MDFIC2: variants seen among roughly 807,000 people sequenced by gnomAD.
MDFIC2 encodes MyoD family inhibitor domain containing 2, also known as myoD family inhibitor domain-containing protein 2.
chr3:70,206,497 T>C (rs1431579210), intron 3 of MDFIC2, 72 bp downstream of exon 3: 2 of 396,386 alleles, frequency 5.0e-6, no homozygotes, highest in African/African-American at 2.1e-5. Context: ...CCTAACAGCA[T>C]ATGTGATGAT....
intron 2 of MDFIC2, among the ~76,000 whole-genome samples, chr3:70,277,470 G>T (rs573169384): frequency 6.6e-6 from 1 of 152,232 alleles, no homozygotes; most frequent in Admixed American, 6.5e-5. Flanking sequence ...GACGGCTCTT[G>T]ATTCACTTGA....
chr3:70,212,683 A>G (rs1701363334), intron 2 of MDFIC2, among the ~76,000 whole-genome samples: 1 of 152,130 alleles, frequency 6.6e-6, no homozygotes, highest in African/African-American at 2.4e-5. Context: ...TATACTTTGG[A>G]CAATATTCTT....
At chr3:70,245,686 T>C (rs1244355629) in intron 2 of MDFIC2, among the ~76,000 whole-genome samples, 1 of 130,556 alleles carries the variant, frequency 7.7e-6, no homozygotes, top group East Asian at 2.3e-4. Context: ...TATATATATA[T>C]ATATATATAT....
In MDFIC2 at chr3:70,254,964, A is replaced by C. The variant is rs1268258445; in HGVS notation, c.89-48174T>G. On this transcript the variant is annotated intron_variant, in intron 2 of 3. Transcript: ENST00000567252. Reference sequence around the variant, plus strand: ...ATATTCCTATTATGAATGTGCAATAATGTATTTGACCAGTAATAGACTGAT... The same window carrying C: ...ATATTCCTATTATGAATGTGCAATACTGTATTTGACCAGTAATAGACTGAT... 3.3e-5 allele frequency among the ~76,000 whole-genome samples: 5 copies of C among 152,198 alleles called. No homozygotes were observed. In the East Asian group the frequency reaches 9.6e-4, roughly 29 times the overall value.
At chr3:70,233,447 C>G (rs563239490) in intron 2 of MDFIC2, among the ~76,000 whole-genome samples, 1 of 152,146 alleles carries the variant, frequency 6.6e-6, no homozygotes, top group Non-Finnish European at 1.5e-5. Context: ...GATGATAAAG[C>G]TTCCCTTTTC....
intron 2 of MDFIC2, among the ~76,000 whole-genome samples, chr3:70,311,264 G>A (rs191475324): frequency 1.3e-5 from 2 of 152,270 alleles, no homozygotes; most frequent in African/African-American, 4.8e-5. Flanking sequence ...TATTAAAAGT[G>A]ATCATAAAAT....
At chr3:70,253,687 T>A (rs1314028662) in intron 2 of MDFIC2, among the ~76,000 whole-genome samples, 3 of 152,284 alleles carry the variant, frequency 2.0e-5, no homozygotes, top group South Asian at 4.1e-4. Context: ...AACACCACTG[T>A]ACTGCAGCCT....
At chr3:70,251,827 G>A (rs1701772113) in intron 2 of MDFIC2, among the ~76,000 whole-genome samples, 1 of 152,202 alleles carries the variant, frequency 6.6e-6, no homozygotes, top group South Asian at 2.1e-4. Context: ...ATTCAGATTA[G>A]CCAAACTGCA....
At chr3:70,295,947 G>A (rs1427030152) in intron 2 of MDFIC2, among the ~76,000 whole-genome samples, 4 of 152,102 alleles carry the variant, frequency 2.6e-5, no homozygotes, top group Non-Finnish European at 5.9e-5. Context: ...GCTAAATTAT[G>A]TGTAGAAATA....
rs188553104 is a variant in MDFIC2, at chr3:70,213,221, C to T, written c.89-6431G>A. On this transcript the variant is annotated intron_variant, in intron 2 of 3. Transcript: ENST00000567252. The stretch of plus-strand genomic sequence containing the variant: ...CTCCTGGGCTCAAGTGATCCTTTCA[C>T]CTCAGCCTCCTGAGTAGATCTTTTT... Among the ~76,000 whole-genome samples, 3 of 152,210 alleles carry T rather than the reference C, an allele frequency of 2.0e-5. No homozygotes were observed. In the East Asian group the frequency reaches 5.8e-4, roughly 30 times the overall value.
At chr3:70,276,585 C>A (rs1048953113) in intron 2 of MDFIC2, among the ~76,000 whole-genome samples, 1 of 152,126 alleles carries the variant, frequency 6.6e-6, no homozygotes, top group African/African-American at 2.4e-5. Context: ...AGACACCTAC[C>A]TGAGGATACC....
At chr3:70,246,680 A>G (rs373685798) in intron 2 of MDFIC2, among the ~76,000 whole-genome samples, 13 of 152,076 alleles carry the variant, frequency 8.5e-5, no homozygotes, top group African/African-American at 2.7e-4. Flanking sequence ...CGTGGGACAC[A>G]ATACTAAAAA....
chr3:70,302,807 C>T (rs933296136), intron 2 of MDFIC2: 1 of 152,158 alleles, frequency 6.6e-6, no homozygotes, highest in Non-Finnish European at 1.5e-5. Flanking sequence ...TGGTCATAGT[C>T]TGAAGCCTGA....
chr3:70,311,421 C>T (rs150576554), intron 2 of MDFIC2, among the ~76,000 whole-genome samples: 101 of 152,198 alleles, frequency 6.6e-4, no homozygotes, highest in Non-Finnish European at 1.1e-3. Context: ...AGCCCATGGC[C>T]GACAGCATTC....
At chr3:70,286,464 T>G (rs1702164634) in intron 2 of MDFIC2, among the ~76,000 whole-genome samples, 1 of 151,854 alleles carries the variant, frequency 6.6e-6, no homozygotes, top group South Asian at 2.1e-4. Context: ...TACTGTAGCC[T>G]TGTAGTATAG....
At chr3:70,206,287 T>C (rs1239228875) in intron 3 of MDFIC2, among the ~76,000 whole-genome samples, 1 of 152,062 alleles carries the variant, frequency 6.6e-6, no homozygotes, top group Non-Finnish European at 1.5e-5. Context: ...GCCATTTTTC[T>C]TTATCTGCCT....
At chr3:70,264,691 T>C (rs796667457) in intron 2 of MDFIC2, among the ~76,000 whole-genome samples, 17 of 152,346 alleles carry the variant, frequency 1.1e-4, no homozygotes, top group African/African-American at 3.8e-4. Flanking sequence ...ACAGTGAACA[T>C]GGCAGATGCA....
chr3:70,202,099 G>A (rs1191863584), intron 3 of MDFIC2, among the ~76,000 whole-genome samples: 1 of 152,122 alleles, frequency 6.6e-6, no homozygotes, highest in African/African-American at 2.4e-5. Flanking sequence ...AGTGACTAGT[G>A]TTCTAATAGT....
intron 2 of MDFIC2, among the ~76,000 whole-genome samples, chr3:70,219,639 A>G (rs1201446119): frequency 6.6e-6 from 1 of 152,238 alleles, no homozygotes; most frequent in Non-Finnish European, 1.5e-5. Context: ...GTGTGAACCA[A>G]GAGAGATACT....
Sources: gnomAD v4.1 joint callset for allele counts (sites outside exome capture counted in the v4.1 genomes callset) on GRCh38, gnomAD v4.1.1 for gene constraint, MANE v1.5 for transcripts, NCBI Gene and HGNC (gene_info 2026-07-23, HGNC 2026-07-21) for gene names.